Variants in NRXN3 observed in about 807,000 individuals in gnomAD.
NRXN3 encodes the protein neurexin III.
A neutral mutation model predicts 137.6 loss-of-function variants in NRXN3; 32 were observed. That is an observed-to-expected ratio of 0.23 (90% CI 0.18 to 0.31). The LOEUF (loss-of-function observed/expected upper bound fraction) is 0.31. NRXN3 is among the 10% of genes least tolerant of loss of function. The probability of loss-of-function intolerance (pLI) is 1.00; values close to 1 mark genes in which losing one functional copy is unlikely to be tolerated. For missense variants in NRXN3, 1,574 were observed against 2,062.5 expected, an observed-to-expected ratio of 0.76 and a Z score of 4.59; for synonymous variants, 798 against 784.5, an observed-to-expected ratio of 1.02 and a Z score of -0.29.
chr14:79,748,687 A>G (rs1300363704), intron 19 of NRXN3, among the ~76,000 whole-genome samples: 1 of 151,746 alleles, frequency 6.6e-6, no homozygotes, highest in Non-Finnish European at 1.5e-5. Context: ...GGGTTTACTC[A>G]TTTTTAAAAA....
At chr14:78,943,624 ATATATATATAT>A (rs2099358929) in intron 10 of NRXN3, among the ~76,000 whole-genome samples, 303 of 15,840 alleles carry the variant, frequency 0.019, 28 homozygotes, top group Non-Finnish European at 0.031. Flanking sequence ...AAAAAAAAAT[ATATATATATAT>A]ATATATATAT....
At chr14:78,548,980 G>A (rs1273807732) in intron 4 of NRXN3, among the ~76,000 whole-genome samples, 2 of 152,152 alleles carry the variant, frequency 1.3e-5, no homozygotes, top group Non-Finnish European at 2.9e-5. Context: ...CTGCCCCAAC[G>A]AAATCAGAAG....
At chr14:79,800,430 G>T (rs2099174525) in intron 19 of NRXN3, among the ~76,000 whole-genome samples, 1 of 152,184 alleles carries the variant, frequency 6.6e-6, no homozygotes, top group Non-Finnish European at 1.5e-5. Flanking sequence ...AATGTTATTA[G>T]TAGGCATGAG....
chr14:79,796,131 G>A (rs573383527), intron 19 of NRXN3, among the ~76,000 whole-genome samples: 2 of 152,196 alleles, frequency 1.3e-5, no homozygotes, highest in African/African-American at 2.4e-5. Flanking sequence ...AAGAAGAGCA[G>A]CCATCAAAGC....
intron 20 of NRXN3, among the ~76,000 whole-genome samples, chr14:79,814,908 T>A (rs2099247088): frequency 6.6e-6 from 1 of 152,218 alleles, no homozygotes; most frequent in African/African-American, 2.4e-5. Context: ...AAAAAAAACT[T>A]TTTAACTCAC....
In NRXN3 at chr14:79,867,722, T is replaced by C. The variant is rs1482057070; in HGVS notation, c.*5758T>C. Reference sequence around the variant, plus strand: ...TTCCAAAGTATCAAGGGAATCAGAATTGGGAAGCAATTCTAACCTTTTTGA... The same window carrying C: ...TTCCAAAGTATCAAGGGAATCAGAACTGGGAAGCAATTCTAACCTTTTTGA... On this transcript the variant is annotated 3_prime_UTR_variant, in exon 21 of 21. Transcript: ENST00000335750. 6.6e-6 allele frequency: 1 copy of C among 152,078 alleles called. No individual in the cohort carries two copies. Among genetic ancestry groups the C allele is most frequent in the Admixed American group, 6.5e-5 (1 of 15,276 alleles). 9.4% of individuals were successfully genotyped at this position (152,078 alleles called of 1,614,324 possible).
At chr14:79,518,152 G>T (rs142379739) in intron 16 of NRXN3, among the ~76,000 whole-genome samples, 2 of 151,840 alleles carry the variant, frequency 1.3e-5, no homozygotes, top group African/African-American at 4.8e-5. Flanking sequence ...TGATCCACCC[G>T]CTTCAGCCTC....
intron 16 of NRXN3, among the ~76,000 whole-genome samples, chr14:79,506,206 A>C (rs2096876658): frequency 6.6e-6 from 1 of 152,126 alleles, no homozygotes; most frequent in Non-Finnish European, 1.5e-5. Flanking sequence ...ATTCAAGGGG[A>C]GGGGATTTTA....
At chr14:79,580,645 T>C (rs1468163514) in intron 16 of NRXN3, among the ~76,000 whole-genome samples, 2 of 152,190 alleles carry the variant, frequency 1.3e-5, no homozygotes, top group Non-Finnish European at 2.9e-5. Context: ...TGGTCCATTT[T>C]ATCTGTTTCT....
chr14:78,989,287 A>G (rs31406), intron 15 of NRXN3, among the ~76,000 whole-genome samples: 50,159 of 151,960 alleles, frequency 0.33, 8,729 homozygotes, highest in Admixed American at 0.46. Context: ...CCCCAGATCT[A>G]TGTGGTTTTT....
At chr14:78,971,922 C>A (rs1457423130) in intron 14 of NRXN3, among the ~76,000 whole-genome samples, 1 of 152,166 alleles carries the variant, frequency 6.6e-6, no homozygotes, top group Non-Finnish European at 1.5e-5. Context: ...TATTTAAAAA[C>A]TTGCTAATTT....
At chr14:78,181,183 CATT>C (rs1410935539) in intron 1 of NRXN3, among the ~76,000 whole-genome samples, 7 of 152,186 alleles carry the variant, frequency 4.6e-5, no homozygotes, top group Non-Finnish European at 7.3e-5. Flanking sequence ...GTTTTTTTCT[CATT>C]AGAATAACAG....
intron 8 of NRXN3, 52 bp from the exon 9 acceptor site, chr14:78,803,568 G>A: frequency 6.4e-7 from 1 of 1,557,292 alleles, no homozygotes; most frequent in Non-Finnish European, 8.9e-7. Context: ...AGGGGTATTT[G>A]GCAACTGTGA....
At chr14:79,398,473 C>G (rs1391462571) in intron 15 of NRXN3, among the ~76,000 whole-genome samples, 1 of 151,548 alleles carries the variant, frequency 6.6e-6, no homozygotes, top group Admixed American at 6.6e-5. Flanking sequence ...CCACACATCT[C>G]AGTGTAGTAA....
chr14:78,498,293 G>A (rs922913978), intron 4 of NRXN3, among the ~76,000 whole-genome samples: 18 of 152,170 alleles, frequency 1.2e-4, no homozygotes, highest in African/African-American at 1.9e-4. Flanking sequence ...ATGATCCTCC[G>A]GCTGCTTCTG....
intron 4 of NRXN3, among the ~76,000 whole-genome samples, chr14:78,560,559 C>A (rs1379933793): frequency 6.6e-6 from 1 of 152,184 alleles, no homozygotes; most frequent in African/African-American, 2.4e-5. Flanking sequence ...AGATGCTGAC[C>A]CCTCGCTAGC....
intron 16 of NRXN3, among the ~76,000 whole-genome samples, chr14:79,563,423 G>A (rs191738333): frequency 6.6e-6 from 1 of 152,082 alleles, no homozygotes; most frequent in East Asian, 1.9e-4. Flanking sequence ...ATCTTTTATG[G>A]GTATCAGTTT....
intron 4 of NRXN3, 134 bp downstream of exon 4, chr14:78,297,994 C>T: frequency 2.0e-6 from 2 of 983,914 alleles, no homozygotes; most frequent in East Asian, 2.7e-5. Context: ...AGGCTGGCTG[C>T]AGGACCACCC....
chr14:79,116,911 C>G lies in NRXN3; in HGVS notation c.3262+128770C>G, dbSNP rs574980909. ...AGTTATTCTCAGTCTTCCTTCTTCTCCATGCCTTGTCAAAGATTTCTGCAA... is the reference window on the plus strand; with the variant it reads ...AGTTATTCTCAGTCTTCCTTCTTCTGCATGCCTTGTCAAAGATTTCTGCAA... On this transcript the variant is annotated intron_variant, in intron 15 of 20. Coordinates refer to ENST00000335750, the MANE Select transcript of NRXN3 (RefSeq NM_001330195.2). 3.9e-5 allele frequency among the ~76,000 whole-genome samples: 6 copies of G among 152,352 alleles called. No individual in the cohort carries two copies. In the South Asian group the frequency reaches 1.2e-3, roughly 32 times the overall value.
Sources: gnomAD v4.1 joint callset for allele counts (sites outside exome capture counted in the v4.1 genomes callset) on GRCh38, gnomAD v4.1.1 for gene constraint, MANE v1.5 for transcripts, NCBI Gene and HGNC (gene_info 2026-07-23, HGNC 2026-07-21) for gene names.